NEGR1: variants seen among roughly 807,000 people sequenced by gnomAD.
NEGR1 encodes the protein neuronal growth regulator 1.
NEGR1 carries 10 observed loss-of-function variants against 40.9 expected under a neutral mutation model. That is an observed-to-expected ratio of 0.24 (90% CI 0.15 to 0.42). NEGR1 has a LOEUF of 0.42. Ranked by LOEUF, NEGR1 falls within the 10% of genes least tolerant of loss-of-function variation. The pLI is 1.00. For synonymous variants in NEGR1, 185 were observed against 166.8 expected (o/e 1.11, Z -0.84); for missense variants, 352 against 438.9 (o/e 0.80, Z 1.77).
chr1:71,420,938 AAAATACAAAATGAGTTTGTTCTACAT>A (rs1314701959), intron 6 of NEGR1, among the ~76,000 whole-genome samples: 1 of 152,058 alleles, frequency 6.6e-6, no homozygotes, highest in Non-Finnish European at 1.5e-5. Context: ...TTCAACCAAT[AAAATACAAAATGAGTTTGTTCTACAT>A]ACTTGCTGAA....
At chr1:71,445,403 G>T (rs1398588133) in intron 6 of NEGR1, among the ~76,000 whole-genome samples, 1 of 150,856 alleles carries the variant, frequency 6.6e-6, no homozygotes, top group African/African-American at 2.5e-5. Flanking sequence ...ATTTTCTATG[G>T]AGCCCTAGAG....
intron 1 of NEGR1, among the ~76,000 whole-genome samples, chr1:72,173,803 C>T (rs574862914): frequency 2.6e-5 from 4 of 152,106 alleles, no homozygotes; most frequent in East Asian, 3.9e-4. Context: ...ATTAGCTGGA[C>T]GTGGTGGCAG....
At position 71,943,014 on chromosome 1, in the gene NEGR1, ATGTG is replaced by A. The variant is rs57584687; in HGVS notation, c.177-7707_177-7704del. Among the ~76,000 whole-genome samples the A allele has an allele frequency of 7.5e-3, 978 of 131,148 alleles. 16 individuals carry two copies. Among genetic ancestry groups the A allele is most frequent in the Middle Eastern group, 0.014 (3 of 216 alleles). The allele number at this position is 131,148 out of a possible 152,430, so 86.0% of individuals were successfully genotyped here. A position where few individuals can be genotyped will look rare whatever the true frequency, so the allele number is the denominator to read the frequency against. Reference sequence around the variant, plus strand: ...TATATATATGTGTGTGTATATATATATGTGTATATATATACACACATACATATAT... The same window carrying A: ...TATATATATGTGTGTGTATATATATATATATATATACACACATACATATAT... On this transcript the variant is annotated intron_variant, in intron 1 of 6. Coordinates refer to ENST00000357731, the MANE Select transcript of NEGR1 (RefSeq NM_173808.3).
At chr1:71,851,650 C>G (rs12129032) in intron 2 of NEGR1, among the ~76,000 whole-genome samples, 1 of 151,894 alleles carries the variant, frequency 6.6e-6, no homozygotes. Flanking sequence ...ACCACGGTAG[C>G]TGATTGGAGG....
chr1:72,206,228 T>G (rs1570120543), intron 1 of NEGR1, among the ~76,000 whole-genome samples: 1 of 152,056 alleles, frequency 6.6e-6, no homozygotes, highest in Non-Finnish European at 1.5e-5. Context: ...ATGCTATTTT[T>G]AAAAACATCA....
chr1:72,236,288 G>A (rs1654542225), intron 1 of NEGR1, among the ~76,000 whole-genome samples: 1 of 151,948 alleles, frequency 6.6e-6, no homozygotes, highest in Non-Finnish European at 1.5e-5. Context: ...TTTGAGGGGT[G>A]GGGAGATAGA....
chr1:71,618,871 G>C (rs1357714178), intron 4 of NEGR1, among the ~76,000 whole-genome samples: 2 of 152,074 alleles, frequency 1.3e-5, no homozygotes, highest in African/African-American at 2.4e-5. Context: ...TGAGCATTTT[G>C]TGGGTCTGAT....
At chr1:71,567,458 T>C (rs1648655191) in intron 6 of NEGR1, among the ~76,000 whole-genome samples, 1 of 152,194 alleles carries the variant, frequency 6.6e-6, no homozygotes, top group Admixed American at 6.5e-5. Flanking sequence ...TTTAATAGCC[T>C]ATGCTTATTT....
At chr1:71,577,167 T>C (rs565944973) in intron 6 of NEGR1, among the ~76,000 whole-genome samples, 1 of 152,286 alleles carries the variant, frequency 6.6e-6, no homozygotes, top group East Asian at 1.9e-4. Flanking sequence ...TAGTAATGAA[T>C]AAAAAATGAT....
intron 6 of NEGR1, among the ~76,000 whole-genome samples, chr1:71,570,497 A>G (rs1165007907): frequency 1.3e-5 from 2 of 152,194 alleles, no homozygotes; most frequent in East Asian, 1.9e-4. Flanking sequence ...AGTCAAGTCT[A>G]TCTTTTAGGT....
chr1:71,672,395 G>T (rs960776171), intron 4 of NEGR1, among the ~76,000 whole-genome samples: 40 of 152,226 alleles, frequency 2.6e-4, no homozygotes, highest in African/African-American at 9.4e-4. Context: ...ACATTCCAAA[G>T]ATTATCTATT....
chr1:71,755,593 G>C (rs895943559), intron 3 of NEGR1, among the ~76,000 whole-genome samples: 3 of 152,104 alleles, frequency 2.0e-5, no homozygotes, highest in African/African-American at 7.2e-5. Flanking sequence ...CATGCCCACT[G>C]ACTTCAGTCT....
intron 1 of NEGR1, among the ~76,000 whole-genome samples, chr1:72,237,219 T>C (rs574418749): frequency 6.6e-6 from 1 of 152,100 alleles, no homozygotes; most frequent in East Asian, 1.9e-4. Flanking sequence ...ATTTACTTTC[T>C]TAAAATAGTG....
At chr1:71,599,249 A>T (rs1226013019) in intron 5 of NEGR1, among the ~76,000 whole-genome samples, 1 of 152,216 alleles carries the variant, frequency 6.6e-6, no homozygotes, top group Non-Finnish European at 1.5e-5. Context: ...TTCCTAGAAC[A>T]GATACATTTC....
intron 1 of NEGR1, among the ~76,000 whole-genome samples, chr1:72,057,312 T>C (rs1018439826): frequency 6.6e-6 from 1 of 151,656 alleles, no homozygotes; most frequent in African/African-American, 2.4e-5. Flanking sequence ...ACTTAATTTT[T>C]TTTTGCAATT....
chr1:71,541,172 A>G (rs535174812), intron 6 of NEGR1, among the ~76,000 whole-genome samples: 1 of 151,748 alleles, frequency 6.6e-6, no homozygotes, highest in African/African-American at 2.4e-5. Flanking sequence ...GCCATAAACT[A>G]GCTGTGATAT....
At chr1:72,140,296 G>T (rs1288259537) in intron 1 of NEGR1, among the ~76,000 whole-genome samples, 2 of 151,502 alleles carry the variant, frequency 1.3e-5, no homozygotes, top group Non-Finnish European at 2.9e-5. Context: ...TATTTTTGAC[G>T]GTATAACAGA....
chr1:72,003,674 G>A (rs1161096314), intron 1 of NEGR1, among the ~76,000 whole-genome samples: 2 of 151,974 alleles, frequency 1.3e-5, no homozygotes, highest in African/African-American at 4.8e-5. Context: ...ATCATGTTGA[G>A]CTTATGTAAA....
intron 3 of NEGR1, chr1:71,703,533 G>A (rs983257934): frequency 9.5e-5 from 14 of 147,544 alleles, no homozygotes; most frequent in Admixed American, 2.0e-4. Context: ...ATTAAATACA[G>A]TTGGCTATAA....
Sources: allele counts gnomAD v4.1 joint callset (sites outside exome capture counted in the v4.1 genomes callset), GRCh38; gene constraint gnomAD v4.1.1; transcripts MANE v1.5; gene names NCBI Gene and HGNC (gene_info 2026-07-23, HGNC 2026-07-21).